Variants in C3orf33 observed in about 807,000 individuals in gnomAD.
C3orf33 encodes the protein mitochondrial inner membrane subdomain organizer 1, also known as AP-1 activity suppressor.
Under a neutral mutation model 28.7 loss-of-function variants are expected in C3orf33, and 23 were observed. The observed-to-expected ratio is 0.80, with a 90% CI of 0.58 to 1.13. The LOEUF (loss-of-function observed/expected upper bound fraction) is 1.13, where lower values mean the gene tolerates loss of function less well. Ranked by LOEUF, C3orf33 falls within the 50% of genes most tolerant of loss-of-function variation. The pLI is 0.00. For missense variants in C3orf33, 327 were observed against 353.4 expected, an observed-to-expected ratio of 0.93 and a Z score of 0.60; for synonymous variants, 119 against 120.5, an observed-to-expected ratio of 0.99 and a Z score of 0.08.
Position 155,763,400 on chromosome 3 carries a change from C to A in C3orf33, c.*117G>T. ...TCATCTCTTTTTAATATTTAAATAC[C>A]ATTGGACTAACACTTTGATCATTTG... On this transcript the variant is annotated 3_prime_UTR_variant, in exon 5 of 5. Transcript: ENST00000340171. 1 of 594,070 alleles carries A rather than the reference C, an allele frequency of 1.7e-6. No individual in the cohort carries two copies. Among genetic ancestry groups the A allele is most frequent in the Non-Finnish European group, 2.6e-6 (1 of 383,424 alleles). 36.8% of individuals were successfully genotyped at this position (594,070 alleles called of 1,614,324 possible).
rs71138678 is a variant in C3orf33 at position 155,771,017 on chromosome 3, C to CTGTGTGTGTGTG, written c.323-3360_323-3349dup. Among the ~76,000 whole-genome samples the CTGTGTGTGTGTG allele has an allele frequency of 4.3e-3, 471 of 109,644 alleles. 23 individuals carry two copies. The highest frequency in any genetic ancestry group is 4.4e-3 in the South Asian group (12 of 2,710). 71.9% of individuals were successfully genotyped at this position (109,644 alleles called of 152,430 possible). A position where few individuals can be genotyped will look rare whatever the true frequency, so the allele number is the denominator to read the frequency against. The stretch of plus-strand genomic sequence containing the variant: ...GTTGAGACATAGTTTTGCTCTGCCA[C>CTGTGTGTGTGTG]TGTGTGTGTGTGTGTGTGTGTGTGT... On this transcript the variant is annotated intron_variant, in intron 3 of 4. Transcript: ENST00000340171.
chr3:155,800,369 T>G (rs564311004), intron 2 of C3orf33, among the ~76,000 whole-genome samples: 7 of 151,894 alleles, frequency 4.6e-5, no homozygotes, highest in Non-Finnish European at 1.0e-4. Flanking sequence ...TCTGGGAGGC[T>G]AAGATGGGAG....
At chr3:155,788,551 C>T (rs1438473579) in intron 2 of C3orf33, among the ~76,000 whole-genome samples, 1 of 151,664 alleles carries the variant, frequency 6.6e-6, no homozygotes, top group Admixed American at 6.6e-5. Flanking sequence ...GCTGTGGTGG[C>T]ACAGCCTGTA....
intron 2 of C3orf33, among the ~76,000 whole-genome samples, chr3:155,789,774 C>G (rs895491906): frequency 6.6e-6 from 1 of 152,086 alleles, no homozygotes; most frequent in African/African-American, 2.4e-5. Flanking sequence ...GATAGACATA[C>G]AGATCAATGG....
chr3:155,784,650 G>T lies in C3orf33; in HGVS notation c.175-8802C>A, dbSNP rs577072377. ...AGGTACTTCGGAGGCTGAGGCAGGA[G>T]AATCACCTGAATCCGGGAGGTGCCG... On this transcript the variant is annotated intron_variant, in intron 2 of 4. Coordinates refer to ENST00000340171, the MANE Select transcript of C3orf33 (RefSeq NM_001308229.2). 9.1e-4 allele frequency among the ~76,000 whole-genome samples: 138 copies of T among 151,994 alleles called. 1 individual carries two copies. Among genetic ancestry groups the T allele is most frequent in the Admixed American group, 1.6e-3 (25 of 15,256 alleles).
At chr3:155,768,322 A>T (rs2109251120) in intron 3 of C3orf33, among the ~76,000 whole-genome samples, 2 of 152,282 alleles carry the variant, frequency 1.3e-5, no homozygotes, top group South Asian at 4.1e-4. Context: ...GGCTATTACC[A>T]CCAAAAGAAC....
chr3:155,804,455 G>C (rs1751756499), intron 1 of C3orf33, among the ~76,000 whole-genome samples: 1 of 152,196 alleles, frequency 6.6e-6, no homozygotes, highest in Admixed American at 6.5e-5. Flanking sequence ...ATTACTCTAA[G>C]AACTGGGGCT....
chr3:155,806,039 C>T lies in C3orf33; in HGVS notation c.114+100G>A, dbSNP rs1751799167. The T allele has an allele frequency of 9.9e-6, 8 of 807,466 alleles. 1 individual carries two copies. The highest frequency in any genetic ancestry group is 6.0e-4 in the Middle Eastern group (2 of 3,332). 50.0% of individuals were successfully genotyped at this position (807,466 alleles called of 1,614,324 possible). On this transcript the variant is annotated intron_variant, in intron 1 of 4. Coordinates refer to ENST00000340171, the MANE Select transcript of C3orf33 (RefSeq NM_001308229.2). ...TCCCCCGCAGTTTTCTGTCGCTCCCCGGCCCCGGCGGGATCCACGCCTGAG... is the reference window on the plus strand; with the variant it reads ...TCCCCCGCAGTTTTCTGTCGCTCCCTGGCCCCGGCGGGATCCACGCCTGAG...
At chr3:155,793,067 C>A (rs1751362115) in intron 2 of C3orf33, among the ~76,000 whole-genome samples, 1 of 152,046 alleles carries the variant, frequency 6.6e-6, no homozygotes, top group South Asian at 2.1e-4. Context: ...TAAAAAGAAT[C>A]CTAAAAGCAG....
At chr3:155,770,347 G>A (rs541848365) in intron 3 of C3orf33, among the ~76,000 whole-genome samples, 30 of 152,284 alleles carry the variant, frequency 2.0e-4, no homozygotes, top group African/African-American at 5.8e-4. Context: ...TAGCAAGCCC[G>A]GGGCCAAGCA....
rs142982174 is a variant in C3orf33, at chr3:155,805,713, A to G, written c.114+426T>C. ...GCACTCCAGCTTGGGCCAGAGAGGAATACCGTGTCCCTAAAAAATAAAATT... is the reference window on the plus strand; with the variant it reads ...GCACTCCAGCTTGGGCCAGAGAGGAGTACCGTGTCCCTAAAAAATAAAATT... On this transcript the variant is annotated intron_variant, in intron 1 of 4. Transcript: ENST00000340171. 122 of 451,440 alleles carry G rather than the reference A, an allele frequency of 2.7e-4. 1 individual carries two copies. The highest frequency in any genetic ancestry group is 2.2e-3 in the African/African-American group (109 of 50,138). The allele number at this position is 451,440 out of a possible 1,614,324, so 28.0% of individuals were successfully genotyped here.
intron 4 of C3orf33, 148 bp from the exon 5 acceptor site, chr3:155,764,066 C>T (rs999541816): frequency 1.2e-5 from 6 of 489,824 alleles, no homozygotes; most frequent in African/African-American, 1.0e-4. Flanking sequence ...CCCAAAACAG[C>T]TCTTGCGAAA....
At position 155,767,751 on chromosome 3, in the gene C3orf33, A is replaced by C. The variant is rs1423495013; in HGVS notation, c.323-82T>G. 3 of 901,932 alleles carry C rather than the reference A, an allele frequency of 3.3e-6. No individual in the cohort carries two copies. In the African/African-American group the frequency reaches 5.1e-5, roughly 15 times the overall value. 55.9% of individuals were successfully genotyped at this position (901,932 alleles called of 1,614,324 possible). A position where few individuals can be genotyped will look rare whatever the true frequency, so the allele number is the denominator to read the frequency against. On this transcript the variant is annotated intron_variant, in intron 3 of 4. Transcript: ENST00000340171. ...TCCAGTCAGTTGGCCTCCAACAAAC[A>C]AACAAATATATTATGTTTATTTATA...
chr3:155,786,708 G>A (rs969593961), intron 2 of C3orf33, among the ~76,000 whole-genome samples: 1 of 152,140 alleles, frequency 6.6e-6, no homozygotes, highest in East Asian at 1.9e-4. Context: ...GCAGGTGCCT[G>A]TAATCCCAGC....
chr3:155,780,996 T>TGAGAAAAATAAACCCC, intron 2 of C3orf33, among the ~76,000 whole-genome samples: 1 of 151,142 alleles, frequency 6.6e-6, no homozygotes, highest in African/African-American at 2.4e-5. Context: ...AGACTTCTTT[T>TGAGAAAAATAAACCCC]TTTTTTTTTT....
chr3:155,784,379 T>C (rs1751035645), intron 2 of C3orf33, among the ~76,000 whole-genome samples: 3 of 152,164 alleles, frequency 2.0e-5, no homozygotes, highest in African/African-American at 7.2e-5. Context: ...GTGTTATAAC[T>C]TTAGGATGTT....
At chr3:155,777,245 C>T (rs1002933583) in intron 2 of C3orf33, among the ~76,000 whole-genome samples, 5 of 151,122 alleles carry the variant, frequency 3.3e-5, no homozygotes, top group South Asian at 2.1e-4. Context: ...GCCTGGGAGG[C>T]GGAGGTTGCA....
At chr3:155,797,260 C>T (rs1751499452) in intron 2 of C3orf33, among the ~76,000 whole-genome samples, 1 of 152,154 alleles carries the variant, frequency 6.6e-6, no homozygotes, top group South Asian at 2.1e-4. Context: ...ATCAACATTC[C>T]TTCATGATAA....
At chr3:155,790,163 CAAAAAAAAAA>C (rs35285462) in intron 2 of C3orf33, among the ~76,000 whole-genome samples, 4 of 38,694 alleles carry the variant, frequency 1.0e-4, no homozygotes, top group African/African-American at 4.6e-4. Flanking sequence ...AACTCTGTCT[CAAAAAAAAAA>C]AAAAAAAAAA....
Sources: allele counts gnomAD v4.1 joint callset (sites outside exome capture counted in the v4.1 genomes callset), GRCh38; gene constraint gnomAD v4.1.1; transcripts MANE v1.5; gene names NCBI Gene and HGNC (gene_info 2026-07-23, HGNC 2026-07-21).